The following GABRB2 variants were observed in gnomAD, a reference collection of about 807,000 sequenced individuals.
The protein encoded by GABRB2 is gamma-aminobutyric acid type A receptor subunit beta2, also known as gamma-aminobutyric acid receptor subunit beta-2.
GABRB2 carries 16 observed loss-of-function variants against 54.7 expected under a neutral mutation model. The ratio of observed to expected loss-of-function variants is 0.29; its 90% CI spans 0.20 to 0.44. The LOEUF (loss-of-function observed/expected upper bound fraction) is 0.44, where lower values mean the gene tolerates loss of function less well. Among genes scored for constraint, GABRB2 ranks in the 20% least tolerant of loss-of-function variants. The pLI is 1.00. For synonymous variants in GABRB2, 244 were observed against 233.8 expected (o/e 1.04, Z -0.40); for missense variants, 355 against 644.0 (o/e 0.55, Z 4.86).
chr5:161,366,083 G>A (rs1308366217), intron 5 of GABRB2, among the ~76,000 whole-genome samples: 1 of 150,462 alleles, frequency 6.6e-6, no homozygotes, highest in Non-Finnish European at 1.5e-5. Context: ...AGCCAGCTAA[G>A]TTGGCACTTT....
chr5:161,323,675 T>C (rs909013862), intron 9 of GABRB2, among the ~76,000 whole-genome samples: 10 of 152,054 alleles, frequency 6.6e-5, no homozygotes, highest in Admixed American at 4.6e-4. Context: ...ACATGGGATT[T>C]TGGAGTCTAC....
chr5:161,302,466 A>G lies in GABRB2; in HGVS notation c.1192-8038T>C, dbSNP rs1757566737. On this transcript the variant is annotated intron_variant, in intron 9 of 9. Transcript: ENST00000393959. ...GATGTCCTTGTGATAGTCTATAGTC[A>G]TATACAGAAAAACAACTCAAATCCC... Among the ~76,000 whole-genome samples the G allele has an allele frequency of 2.0e-5, 3 of 152,184 alleles. No individual in the cohort carries two copies. The South Asian group carries it at 6.2e-4, about 32-fold the overall frequency.
At chr5:161,428,146 G>A (rs1164796112) in intron 4 of GABRB2, among the ~76,000 whole-genome samples, 1 of 152,142 alleles carries the variant, frequency 6.6e-6, no homozygotes, top group Non-Finnish European at 1.5e-5. Flanking sequence ...CATTAGGCTA[G>A]TGGCTCCTAA....
intron 9 of GABRB2, among the ~76,000 whole-genome samples, chr5:161,296,545 A>G (rs1360834967): frequency 6.6e-6 from 1 of 152,224 alleles, no homozygotes; most frequent in Non-Finnish European, 1.5e-5. Context: ...AGCTTAAAAC[A>G]AATTATTTTT....
At chr5:161,496,400 T>C (rs1759249222) in intron 3 of GABRB2, among the ~76,000 whole-genome samples, 2 of 152,130 alleles carry the variant, frequency 1.3e-5, no homozygotes, top group African/African-American at 4.8e-5. Context: ...TTTATTGATT[T>C]TCTTAGAAAA....
chr5:161,399,475 T>C (rs1177067248), intron 5 of GABRB2, among the ~76,000 whole-genome samples: 1 of 152,136 alleles, frequency 6.6e-6, no homozygotes, highest in Non-Finnish European at 1.5e-5. Context: ...ACAGACTACA[T>C]GAGAAGCACT....
intron 5 of GABRB2, among the ~76,000 whole-genome samples, chr5:161,368,375 A>C (rs188141860): frequency 1.3e-3 from 203 of 152,256 alleles, no homozygotes; most frequent in African/African-American, 4.8e-3. Flanking sequence ...TAGATATTAC[A>C]GCTTAGGGGA....
At chr5:161,435,387 A>G (rs1433768603) in intron 4 of GABRB2, among the ~76,000 whole-genome samples, 2 of 152,204 alleles carry the variant, frequency 1.3e-5, no homozygotes, top group African/African-American at 2.4e-5. Flanking sequence ...AAATTATTAA[A>G]TGGACATATA....
intron 8 of GABRB2, among the ~76,000 whole-genome samples, chr5:161,328,846 G>C (rs922561889): frequency 4.0e-5 from 6 of 151,826 alleles, no homozygotes; most frequent in Non-Finnish European, 8.8e-5. Flanking sequence ...GATGTCTCCA[G>C]ACAATGCCTA....
At chr5:161,431,081 G>T (rs1211566217) in intron 4 of GABRB2, among the ~76,000 whole-genome samples, 3 of 152,096 alleles carry the variant, frequency 2.0e-5, no homozygotes, top group Admixed American at 1.3e-4. Flanking sequence ...TTGGAACCAG[G>T]CTTGGAAATA....
chr5:161,423,848 T>C (rs747514576), intron 4 of GABRB2, among the ~76,000 whole-genome samples: 4 of 152,128 alleles, frequency 2.6e-5, no homozygotes, highest in Non-Finnish European at 5.9e-5. Context: ...AAAACAAAAG[T>C]TCCTGAAGGA....
At chr5:161,408,199 C>T (rs1335619202) in intron 5 of GABRB2, among the ~76,000 whole-genome samples, 1 of 152,010 alleles carries the variant, frequency 6.6e-6, no homozygotes, top group Non-Finnish European at 1.5e-5. Flanking sequence ...CACTCAAATA[C>T]AATGCTCACT....
chr5:161,482,459 C>A (rs769544787), intron 3 of GABRB2, among the ~76,000 whole-genome samples: 1 of 152,086 alleles, frequency 6.6e-6, no homozygotes, highest in Non-Finnish European at 1.5e-5. Flanking sequence ...GTCTCAGAGA[C>A]TGCCTCGTGG....
chr5:161,358,428 T>G (rs1292045193), intron 5 of GABRB2, among the ~76,000 whole-genome samples: 2 of 150,276 alleles, frequency 1.3e-5, no homozygotes, highest in Non-Finnish European at 1.5e-5. Context: ...AAAAAAAAAG[T>G]GGGGGGAATA....
At chr5:161,357,562 GA>G (rs1205608042) in intron 5 of GABRB2, among the ~76,000 whole-genome samples, 1 of 151,490 alleles carries the variant, frequency 6.6e-6, no homozygotes, top group African/African-American at 2.4e-5. Context: ...TGTGTTAAGA[GA>G]ATTATTCTAA....
intron 4 of GABRB2, among the ~76,000 whole-genome samples, chr5:161,453,936 G>C (rs935890585): frequency 2.0e-5 from 3 of 151,732 alleles, no homozygotes; most frequent in Admixed American, 1.3e-4. Flanking sequence ...TACTCGGGAG[G>C]CTGGGGCAGG....
intron 3 of GABRB2, among the ~76,000 whole-genome samples, chr5:161,486,905 A>G (rs906015186): frequency 5.9e-5 from 9 of 151,930 alleles, no homozygotes; most frequent in African/African-American, 1.7e-4. Context: ...GCTTTTTGAT[A>G]TCCTCTGAAG....
chr5:161,305,171 C>A lies in GABRB2; in HGVS notation c.1192-10743G>T, dbSNP rs1203674009. ...AGCTGGGACTACAGGCGCCCGCCAC[C>A]GCGCCCGGCTAATTTTTTGTATTTT... is the stretch of plus-strand genomic sequence containing the variant. On this transcript the variant is annotated intron_variant, in intron 9 of 9. Transcript: ENST00000393959. Among the ~76,000 whole-genome samples, 4 of 151,278 alleles carry A rather than the reference C, an allele frequency of 2.6e-5. No homozygotes were observed. The East Asian group carries it at 7.8e-4, about 29-fold the overall frequency.
chr5:161,334,940 T>C, intron 6 of GABRB2, 36 bp from the exon 7 acceptor site: 2 of 1,598,998 alleles, frequency 1.3e-6, no homozygotes, highest in Non-Finnish European at 8.6e-7. Flanking sequence ...TCATTATCAA[T>C]CAATATTTAT....
Sources: gnomAD v4.1 joint callset for allele counts (sites outside exome capture counted in the v4.1 genomes callset) on GRCh38, gnomAD v4.1.1 for gene constraint, MANE v1.5 for transcripts, NCBI Gene and HGNC (gene_info 2026-07-23, HGNC 2026-07-21) for gene names.